Variants in NUP43 observed in about 807,000 individuals in gnomAD.
The protein encoded by NUP43 is nucleoporin Nup43.
In NUP43, 32 loss-of-function variants were observed where a neutral mutation model predicts 47.3. The observed-to-expected ratio is 0.68, with a 90% confidence interval of 0.51 to 0.91. The LOEUF (loss-of-function observed/expected upper bound fraction) is 0.91. Among genes scored for constraint, NUP43 ranks in the 40% least tolerant of loss-of-function variants. The pLI, the probability that NUP43 is intolerant of heterozygous loss-of-function variation, is 0.00. For missense variants in NUP43, 444 were observed against 453.9 expected (o/e 0.98, Z 0.20); for synonymous variants, 147 against 158.4 (o/e 0.93, Z 0.54).
upstream of NUP43, among the ~76,000 whole-genome samples, chr6:149,746,836 C>G (rs1256668483): frequency 2.0e-5 from 3 of 152,192 alleles, no homozygotes; most frequent in Non-Finnish European, 4.4e-5. Flanking sequence ...TAGAAACCAC[C>G]TTGAAACCAC....
chr6:149,736,030 C>G (rs1377261413), intron 6 of NUP43, among the ~76,000 whole-genome samples: 4 of 148,182 alleles, frequency 2.7e-5, no homozygotes, highest in African/African-American at 1.0e-4. Flanking sequence ...GTAATCCCAG[C>G]ACTTTAGGAG....
intron 2 of NUP43, among the ~76,000 whole-genome samples, chr6:149,744,472 G>C (rs578229342): frequency 6.7e-6 from 1 of 149,812 alleles, no homozygotes; most frequent in East Asian, 2.0e-4. Flanking sequence ...GCAGTGAGCC[G>C]AGATCGAGCC....
intron 2 of NUP43, among the ~76,000 whole-genome samples, chr6:149,744,334 G>T (rs1205636999): frequency 6.6e-6 from 1 of 151,880 alleles, no homozygotes; most frequent in Non-Finnish European, 1.5e-5. Flanking sequence ...GACCAGCCTG[G>T]CCAATACGTT....
upstream of NUP43, among the ~76,000 whole-genome samples, chr6:149,748,591 T>C (rs1054857128): frequency 1.3e-5 from 2 of 151,888 alleles, no homozygotes; most frequent in South Asian, 2.1e-4. Flanking sequence ...GGGCGGATCA[T>C]AAGGTCAGGA....
Position 149,733,831 on chromosome 6 carries a change from G to GT in NUP43, c.791-2097dup, listed in dbSNP as rs539334750. Reference sequence around the variant, plus strand: ...ATTTCCTCAAAATCTGTTTTGTTTTGTTTTTTTTTTGAGACGGAGTTTCAC... The same window carrying GT: ...ATTTCCTCAAAATCTGTTTTGTTTTGTTTTTTTTTTTGAGACGGAGTTTCAC... On this transcript the variant is annotated intron_variant, in intron 6 of 7. Coordinates refer to ENST00000340413, the MANE Select transcript of NUP43 (RefSeq NM_198887.3). Among the ~76,000 whole-genome samples, 944 of 145,704 alleles carry GT rather than the reference G, an allele frequency of 6.5e-3. 6 individuals carry two copies. The highest frequency in any genetic ancestry group is 0.013 in the African/African-American group (509 of 39,604).
At chr6:149,746,538 T>A (rs569891891), upstream of NUP43, 5 of 1,613,800 alleles carry the variant, frequency 3.1e-6, no homozygotes, top group Admixed American at 3.3e-5. Flanking sequence ...GCAAGCACAG[T>A]ACGCGCCTCT....
chr6:149,729,554 G>A (rs1784932547), intron 7 of NUP43: 1 of 982,626 alleles, frequency 1.0e-6, no homozygotes, highest in Non-Finnish European at 1.2e-6. Context: ...ATTTTCAACA[G>A]TCAAGTAGCA....
At chr6:149,732,285 C>T (rs945348917) in intron 6 of NUP43, among the ~76,000 whole-genome samples, 10 of 151,704 alleles carry the variant, frequency 6.6e-5, no homozygotes, top group Non-Finnish European at 1.5e-4. Context: ...GTGGCTCATG[C>T]TTGTAATCCT....
chr6:149,744,348 A>C (rs1004922185), intron 2 of NUP43, among the ~76,000 whole-genome samples: 2 of 151,512 alleles, frequency 1.3e-5, no homozygotes, highest in Non-Finnish European at 2.9e-5. Flanking sequence ...ATACGTTGAA[A>C]CCTCATCTCT....
At chr6:149,741,405 C>T (rs1464370599) in intron 4 of NUP43, among the ~76,000 whole-genome samples, 1 of 152,156 alleles carries the variant, frequency 6.6e-6, no homozygotes, top group Admixed American at 6.6e-5. Flanking sequence ...AACTCTTGGC[C>T]TCAAATGATC....
chr6:149,748,911 G>C (rs1429365523), upstream of NUP43, among the ~76,000 whole-genome samples: 5 of 151,660 alleles, frequency 3.3e-5, no homozygotes, highest in African/African-American at 1.2e-4. Context: ...GACGCGACAA[G>C]CAATGTTCTC....
upstream of NUP43, chr6:149,746,557 C>T: frequency 6.2e-7 from 1 of 1,613,366 alleles, no homozygotes. Context: ...CTCAGCACCG[C>T]CTCTTCCCGC....
At chr6:149,731,371 C>A in intron 7 of NUP43, 1 of 272,390 alleles carries the variant, frequency 3.7e-6, no homozygotes. Context: ...ACCAGCCTGG[C>A]CAACATGGTG....
intron 7 of NUP43, among the ~76,000 whole-genome samples, chr6:149,728,784 G>GC (rs778317484): frequency 6.6e-6 from 1 of 152,126 alleles, no homozygotes; most frequent in Non-Finnish European, 1.5e-5. Flanking sequence ...CAGGCCCTCA[G>GC]CATTTGCTGT....
chr6:149,732,238 T>C (rs1465073695), intron 6 of NUP43, among the ~76,000 whole-genome samples: 1 of 150,002 alleles, frequency 6.7e-6, no homozygotes, highest in East Asian at 2.0e-4. Flanking sequence ...ATTTGCGTAC[T>C]GGGCAAGGAA....
chr6:149,732,557 A>G (rs1029131026), intron 6 of NUP43, among the ~76,000 whole-genome samples: 9 of 151,310 alleles, frequency 5.9e-5, no homozygotes, highest in African/African-American at 1.5e-4. Flanking sequence ...CAAGGAAAAA[A>G]AAAAATGTCC....
intron 4 of NUP43, among the ~76,000 whole-genome samples, chr6:149,740,174 G>C (rs1785569425): frequency 6.6e-6 from 1 of 150,732 alleles, no homozygotes; most frequent in Admixed American, 6.7e-5. Flanking sequence ...TCCCTGGAAG[G>C]CTGAGGTGGG....
At chr6:149,741,990 C>G (rs1319401877) in intron 4 of NUP43, among the ~76,000 whole-genome samples, 1 of 152,128 alleles carries the variant, frequency 6.6e-6, no homozygotes, top group South Asian at 2.1e-4. Flanking sequence ...TCCTGAGTAG[C>G]TGGGATTACA....
rs1276494668 is a variant in NUP43, at chr6:149,741,091, G to C, written c.502+1299C>G. On this transcript the variant is annotated intron_variant, in intron 4 of 7. Coordinates refer to ENST00000340413, the MANE Select transcript of NUP43 (RefSeq NM_198887.3). ...AAAAAAAAGGTTTCTGTTTCCTCTA[G>C]TCAGTCATTCATACTGGTCTCATCA... Among the ~76,000 whole-genome samples, 117 of 151,762 alleles carry C rather than the reference G, an allele frequency of 7.7e-4. 1 individual carries two copies. The highest frequency in any genetic ancestry group is 1.5e-4 in the Non-Finnish European group (10 of 67,976).
Sources: gnomAD v4.1 joint callset for allele counts (sites outside exome capture counted in the v4.1 genomes callset) on GRCh38, gnomAD v4.1.1 for gene constraint, MANE v1.5 for transcripts, NCBI Gene and HGNC (gene_info 2026-07-23, HGNC 2026-07-21) for gene names.